The following ELL2 variants were observed in gnomAD, a reference collection of about 807,000 sequenced individuals.
ELL2 encodes elongation factor for RNA polymerase II 2.
Under a neutral mutation model 72.8 loss-of-function variants are expected in ELL2, and 21 were observed. The observed-to-expected ratio is 0.29, with a 90% CI of 0.20 to 0.42. The LOEUF (loss-of-function observed/expected upper bound fraction) is 0.42. Among genes scored for constraint, ELL2 ranks in the 10% least tolerant of loss-of-function variants. The pLI is 1.00. For synonymous variants in ELL2, 266 were observed against 283.2 expected (o/e 0.94, Z 0.61); for missense variants, 568 against 772.8 (o/e 0.73, Z 3.14).
chr5:95,942,865 A>G (rs1218058752), intron 2 of ELL2, 137 bp downstream of exon 2: 2 of 478,472 alleles, frequency 4.2e-6, no homozygotes, highest in Admixed American at 4.5e-5. Context: ...TAAAGATGTC[A>G]GAAATTTTCA....
At chr5:95,942,958 G>T (rs750426768) in intron 2 of ELL2, 44 bp downstream of exon 2, 24 of 1,473,618 alleles carry the variant, frequency 1.6e-5, no homozygotes, top group Non-Finnish European at 2.2e-5. Context: ...TGAATAGCGT[G>T]CAAGAACATT....
At chr5:95,889,011 AAAAG>A in intron 11 of ELL2, 24 bp from the exon 12 acceptor site, 1 of 1,575,996 alleles carries the variant, frequency 6.3e-7, no homozygotes, top group Non-Finnish European at 8.6e-7. Context: ...AAAAAAAAAA[AAAAG>A]AGGAATGAGA....
chr5:95,927,584 C>T (rs532009584), intron 2 of ELL2, among the ~76,000 whole-genome samples: 1 of 27,544 alleles, frequency 3.6e-5, no homozygotes, highest in Admixed American at 2.6e-4. Context: ...TACACACACA[C>T]GTGTGTATAT....
At chr5:95,892,265 G>A (rs1458048270) in intron 9 of ELL2, among the ~76,000 whole-genome samples, 1 of 151,868 alleles carries the variant, frequency 6.6e-6, no homozygotes, top group Non-Finnish European at 1.5e-5. Context: ...TCGTGCCTCA[G>A]CCTCCTGAGT....
intron 9 of ELL2, among the ~76,000 whole-genome samples, chr5:95,894,679 C>T (rs1402453437): frequency 6.6e-6 from 1 of 152,178 alleles, no homozygotes; most frequent in Non-Finnish European, 1.5e-5. Flanking sequence ...AGATGATAAC[C>T]AGCATTATGG....
At chr5:95,909,108 A>G (rs1050531090) in intron 4 of ELL2, among the ~76,000 whole-genome samples, 1 of 152,208 alleles carries the variant, frequency 6.6e-6, no homozygotes, top group Non-Finnish European at 1.5e-5. Flanking sequence ...GCTTCCCCAA[A>G]GCAGGTATGG....
chr5:95,919,828 G>C (rs1043475501), intron 2 of ELL2, among the ~76,000 whole-genome samples: 2 of 152,096 alleles, frequency 1.3e-5, no homozygotes, highest in Non-Finnish European at 1.5e-5. Flanking sequence ...TCATTTCAAA[G>C]TAGCAAATGG....
chr5:95,954,675 C>T (rs1158773491), intron 1 of ELL2, among the ~76,000 whole-genome samples: 3 of 143,462 alleles, frequency 2.1e-5, no homozygotes, highest in African/African-American at 7.8e-5. Flanking sequence ...TTCCTGACCT[C>T]GTGATGCGCC....
chr5:95,919,591 C>A, intron 2 of ELL2, 46 bp from the exon 3 acceptor site: 1 of 1,522,816 alleles, frequency 6.6e-7, no homozygotes, highest in Non-Finnish European at 8.7e-7. Context: ...TATAAATTTG[C>A]CATAGAAAAG....
intron 2 of ELL2, among the ~76,000 whole-genome samples, chr5:95,927,893 A>C (rs1750453436): frequency 6.7e-6 from 1 of 150,324 alleles, no homozygotes; most frequent in Non-Finnish European, 1.5e-5. Context: ...AAATGAATCC[A>C]TTAACTGGTT....
intron 1 of ELL2, among the ~76,000 whole-genome samples, chr5:95,951,342 C>G (rs1381393294): frequency 6.6e-6 from 1 of 151,830 alleles, no homozygotes; most frequent in African/African-American, 2.4e-5. Flanking sequence ...GCACTCCAGC[C>G]TGGGGGACAG....
intron 4 of ELL2, among the ~76,000 whole-genome samples, chr5:95,911,259 T>TA (rs551629148): frequency 4.2e-4 from 59 of 142,162 alleles, no homozygotes; most frequent in African/African-American, 9.0e-4. Context: ...CAAAATACAG[T>TA]AAAAAAAAAA....
At chr5:95,937,002 T>A (rs1750800162) in intron 2 of ELL2, among the ~76,000 whole-genome samples, 1 of 152,214 alleles carries the variant, frequency 6.6e-6, no homozygotes, top group African/African-American at 2.4e-5. Flanking sequence ...CTGGTACACA[T>A]CGCGCACTGA....
intron 4 of ELL2, among the ~76,000 whole-genome samples, chr5:95,910,088 C>A (rs897131956): frequency 1.3e-5 from 2 of 152,060 alleles, no homozygotes; most frequent in Non-Finnish European, 2.9e-5. Context: ...AGTTTACTAC[C>A]AAAATATATA....
intron 1 of ELL2, among the ~76,000 whole-genome samples, chr5:95,954,286 C>G (rs907725202): frequency 2.0e-5 from 3 of 152,168 alleles, no homozygotes; most frequent in African/African-American, 7.2e-5. Context: ...CTACCCCCAA[C>G]TCCACTCTCC....
At chr5:95,924,102 T>C (rs549518579) in intron 2 of ELL2, among the ~76,000 whole-genome samples, 7 of 152,154 alleles carry the variant, frequency 4.6e-5, no homozygotes, top group Non-Finnish European at 8.8e-5. Context: ...TGTGGGACTG[T>C]TGAAGGCCAG....
At chr5:95,926,850 A>G (rs1428412169) in intron 2 of ELL2, among the ~76,000 whole-genome samples, 1 of 152,210 alleles carries the variant, frequency 6.6e-6, no homozygotes, top group Non-Finnish European at 1.5e-5. Context: ...AATACACAAT[A>G]ACATCGATGG....
intron 2 of ELL2, among the ~76,000 whole-genome samples, chr5:95,936,442 G>A (rs1750775787): frequency 6.6e-6 from 1 of 152,136 alleles, no homozygotes; most frequent in Admixed American, 6.5e-5. Flanking sequence ...GCTCTCCAGG[G>A]AAATTTTATA....
chr5:95,905,481 A>C (rs1249254851), intron 5 of ELL2, among the ~76,000 whole-genome samples: 1 of 140,366 alleles, frequency 7.1e-6, no homozygotes, highest in Non-Finnish European at 1.5e-5. Context: ...GAACACACAC[A>C]CCCTCATTCT....
Sources: gnomAD v4.1 joint callset for allele counts (sites outside exome capture counted in the v4.1 genomes callset) on GRCh38, gnomAD v4.1.1 for gene constraint, MANE v1.5 for transcripts, NCBI Gene and HGNC (gene_info 2026-07-23, HGNC 2026-07-21) for gene names.